Variants in TARDBP observed in about 807,000 individuals in gnomAD.
The protein encoded by TARDBP is TAR DNA binding protein.
TARDBP carries 4 observed loss-of-function variants against 38.3 expected under a neutral mutation model. The ratio of observed to expected loss-of-function variants is 0.10; its 90% CI spans 0.05 to 0.24. The LOEUF (loss-of-function observed/expected upper bound fraction) is 0.24. Among genes scored for constraint, TARDBP ranks in the 10% least tolerant of loss-of-function variants. The pLI is 1.00. For synonymous variants in TARDBP, 184 were observed against 183.8 expected (o/e 1.00, Z -0.01); for missense variants, 202 against 521.9 (o/e 0.39, Z 5.97).
At chr1:11,026,769 G>A (rs2100865655), downstream of TARDBP, 4 of 839,750 alleles carry the variant, frequency 4.8e-6, no homozygotes, top group Non-Finnish European at 6.8e-6. Context: ...GTTTTTTTGG[G>A]TGGAGCAACA....
At chr1:11,021,372 C>A (rs1570723586) in intron 5 of TARDBP, among the ~76,000 whole-genome samples, 1 of 151,730 alleles carries the variant, frequency 6.6e-6, no homozygotes, top group South Asian at 2.1e-4. Flanking sequence ...AACTCCTGAC[C>A]TCAGGTGATC....
chr1:11,026,699 T>A, downstream of TARDBP: 1 of 438,284 alleles, frequency 2.3e-6, no homozygotes. Flanking sequence ...CTTGAGTCAA[T>A]GGGTAAGGCT....
intron 4 of TARDBP, among the ~76,000 whole-genome samples, chr1:11,019,490 C>G: frequency 6.6e-6 from 1 of 152,108 alleles, no homozygotes; most frequent in East Asian, 1.9e-4. Context: ...AGTTTGTGGC[C>G]TGGGAGCAAT....
chr1:11,029,402 A>T (rs1036352402), downstream of TARDBP, among the ~76,000 whole-genome samples: 109 of 151,492 alleles, frequency 7.2e-4, no homozygotes, highest in Non-Finnish European at 1.8e-4. Flanking sequence ...TCCGTCTCAA[A>T]AAATAATAAT....
intron 3 of TARDBP, 117 bp downstream of exon 3, chr1:11,017,124 C>A: frequency 1.7e-6 from 2 of 1,162,128 alleles, no homozygotes; most frequent in Non-Finnish European, 2.5e-6. Context: ...TGGCGTCAAA[C>A]TCCTGGGCCC....
At position 11,019,450 on chromosome 1, in the gene TARDBP, C is replaced by T. The variant is rs1281629685; in HGVS notation, c.543+577C>T. Among the ~76,000 whole-genome samples the T allele has an allele frequency of 3.3e-5, 5 of 152,250 alleles. No homozygotes were observed. In the East Asian group the frequency reaches 7.7e-4, roughly 24 times the overall value. On this transcript the variant is annotated intron_variant, in intron 4 of 5. Coordinates refer to ENST00000240185, the MANE Select transcript of TARDBP (RefSeq NM_007375.4). ...CAAATACTTACCATCATGTTATAGTCGCCTACAGTGTTGAGTACAGTAACT... is the reference window on the plus strand; with the variant it reads ...CAAATACTTACCATCATGTTATAGTTGCCTACAGTGTTGAGTACAGTAACT...
chr1:11,018,712 A>T, intron 3 of TARDBP, 21 bp from the exon 4 acceptor site: 1 of 1,614,126 alleles, frequency 6.2e-7, no homozygotes, highest in East Asian at 2.2e-5. Context: ...TTTTAGAGTA[A>T]ACTTGTATCA....
rs139336488 is a variant in TARDBP, at chr1:11,017,490, C to T, written c.402+483C>T. Among the ~76,000 whole-genome samples, 1,196 of 152,132 alleles carry T rather than the reference C, an allele frequency of 7.9e-3. 11 individuals carry two copies. The highest frequency in any genetic ancestry group is 0.027 in the African/African-American group (1,132 of 41,504). On this transcript the variant is annotated intron_variant, in intron 3 of 5. Coordinates refer to ENST00000240185, the MANE Select transcript of TARDBP (RefSeq NM_007375.4). ...TGCTGGGATTACAGGTGTGAGCCAC[C>T]GCGCCCGGCCACATTCTTGTTATTT... is the stretch of plus-strand genomic sequence containing the variant.
At chr1:11,029,781 G>A (rs925049163), downstream of TARDBP, 4 of 160,258 alleles carry the variant, frequency 2.5e-5, no homozygotes, top group Non-Finnish European at 4.0e-5. Context: ...TGGGATTACA[G>A]GCATGTACCA....
chr1:11,028,048 C>G (rs1337528402), downstream of TARDBP, among the ~76,000 whole-genome samples: 1 of 151,872 alleles, frequency 6.6e-6, no homozygotes, highest in Non-Finnish European at 1.5e-5. Flanking sequence ...ATGGTGAGAC[C>G]CTGTCTCTAC....
At chr1:11,017,140 GTCC>G (rs933005061) in intron 3 of TARDBP, 133 bp downstream of exon 3, 51 of 962,192 alleles carry the variant, frequency 5.3e-5, no homozygotes, top group Admixed American at 5.1e-4. Flanking sequence ...GGCCCATACT[GTCC>G]TCCTGCCTCG....
downstream of TARDBP, chr1:11,026,958 G>C: frequency 1.9e-6 from 3 of 1,549,732 alleles, no homozygotes; most frequent in Non-Finnish European, 2.6e-6. Context: ...ATACTGACCT[G>C]CTTCCCCACA....
chr1:11,027,358 C>T (rs1643755286), downstream of TARDBP: 1 of 1,614,112 alleles, frequency 6.2e-7, no homozygotes, highest in Non-Finnish European at 8.5e-7. Context: ...ATGTCATTGT[C>T]AAAGCCAGCA....
At chr1:11,015,742 G>GT (rs1453339438) in intron 2 of TARDBP, 1 of 119,238 alleles carries the variant, frequency 8.4e-6, no homozygotes, top group African/African-American at 3.2e-5. Context: ...TTTTTTTGTT[G>GT]TTGTTTGTTT....
chr1:11,018,618 T>C, intron 3 of TARDBP, 115 bp from the exon 4 acceptor site: 1 of 1,468,342 alleles, frequency 6.8e-7, no homozygotes, highest in Middle Eastern at 1.9e-4. Context: ...GGTTTAAGTT[T>C]TAAGCCACTG....
intron 1 of TARDBP, among the ~76,000 whole-genome samples, chr1:11,013,038 C>T (rs1384572808): frequency 2.0e-5 from 3 of 152,234 alleles, no homozygotes; most frequent in Non-Finnish European, 2.9e-5. Flanking sequence ...AGGGACGCTG[C>T]CAGCTTGGGC....
At chr1:11,020,750 CAAAAAA>C (rs57781131) in intron 5 of TARDBP, 151 bp downstream of exon 5, 1 of 441,512 alleles carries the variant, frequency 2.3e-6, no homozygotes, top group African/African-American at 2.3e-5. Flanking sequence ...TATTAAAATA[CAAAAAA>C]AAAAAAAAAT....
At position 11,022,668 on chromosome 1, in the gene TARDBP, G is replaced by C; in HGVS notation, c.*14G>C. The C allele has an allele frequency of 6.2e-7, 1 of 1,608,054 alleles. No homozygotes were observed. The highest frequency in any genetic ancestry group is 2.2e-5 in the East Asian group (1 of 44,808). ...TGGGGAATGTAGACAGTGGGGTTGT[G>C]GTTGGTTGGTATAGAATGGTGGGAA... On this transcript the variant is annotated 3_prime_UTR_variant, in exon 6 of 6. Coordinates refer to ENST00000240185, the MANE Select transcript of TARDBP (RefSeq NM_007375.4). The surrounding 1 kb of genome is among the most constrained non-coding windows in gnomAD (Gnocchi z 4.5).
intron 1 of TARDBP, 146 bp from the exon 2 acceptor site, chr1:11,013,570 A>G: frequency 2.9e-6 from 2 of 681,048 alleles, no homozygotes; most frequent in East Asian, 2.8e-5. Context: ...TCACCTCGTC[A>G]TTTTTCAGGG....
Sources: gnomAD v4.1 joint callset for allele counts (sites outside exome capture counted in the v4.1 genomes callset) on GRCh38, gnomAD v4.1.1 for gene constraint, Gnocchi (gnomAD v3.1) non-coding constraint, MANE v1.5 for transcripts, NCBI Gene and HGNC (gene_info 2026-07-23, HGNC 2026-07-21) for gene names.